MEIOB: variants seen among roughly 807,000 people sequenced by gnomAD.
MEIOB encodes meiosis specific with OB-fold, also known as meiosis-specific with OB domain-containing protein.
Under a neutral mutation model 53.1 loss-of-function variants are expected in MEIOB, and 50 were observed. The ratio of observed to expected loss-of-function variants is 0.94; its 90% CI spans 0.75 to 1.19. The LOEUF is 1.19. MEIOB is among the 50% of genes most tolerant of loss of function. The pLI is 0.00. For synonymous variants in MEIOB, 192 were observed against 182.5 expected (o/e 1.05, Z -0.42); for missense variants, 551 against 550.8 (o/e 1.00, Z 0.00).
At chr16:1,848,803 C>A (rs1899089134) in intron 9 of MEIOB, among the ~76,000 whole-genome samples, 1 of 152,048 alleles carries the variant, frequency 6.6e-6, no homozygotes, top group Non-Finnish European at 1.5e-5. Flanking sequence ...CTCGGCCTCC[C>A]AAAGTGTTGG....
At position 1,852,991 on chromosome 16, in the gene MEIOB, G is replaced by A. The variant is rs566140076; in HGVS notation, c.778+48C>T. 5.5e-6 allele frequency: 6 copies of A among 1,092,580 alleles called. No homozygotes were observed. In the South Asian group the frequency reaches 7.8e-5, roughly 14 times the overall value. 67.7% of individuals were successfully genotyped at this position (1,092,580 alleles called of 1,614,324 possible). On this transcript the variant is annotated intron_variant, in intron 9 of 13. Transcript: ENST00000325962. ...AAATATACTGTATAAATATTGAAAT[G>A]TGTTCAGTCATTTCCAAAGGGATAA... is the stretch of plus-strand genomic sequence containing the variant.
Position 1,854,152 on chromosome 16 carries a change from T to C in MEIOB, c.577A>G (p.Arg193Gly), listed in dbSNP as rs1023986786. ...TCATCATAGAGTCTAACTTCACACCTCTGGCCTTTTCTCCGGTCTGAAGTT... is the reference window on the plus strand; with the variant it reads ...TCATCATAGAGTCTAACTTCACACCCCTGGCCTTTTCTCCGGTCTGAAGTT... ...FTTSDRRKGQ[R>G]CEVRLYDETE... The change falls in exon 7 of 14, where the codon AGG becomes GGG. Residue 193 changes from arginine to glycine, a missense_variant. By Grantham distance (125) the Arg-to-Gly change is moderately radical. Transcript: ENST00000325962. 7 of 1,550,984 alleles carry C rather than the reference T, an allele frequency of 4.5e-6. No homozygotes were observed. The African/African-American group carries it at 6.8e-5, about 15-fold the overall frequency.
At chr16:1,841,703 C>G in intron 11 of MEIOB, 117 bp downstream of exon 11, 1 of 626,846 alleles carries the variant, frequency 1.6e-6, no homozygotes, top group East Asian at 3.2e-5. Flanking sequence ...CATTTATCTC[C>G]AATACATAAC....
At chr16:1,837,154 T>A (rs1898771122) in intron 13 of MEIOB, among the ~76,000 whole-genome samples, 1 of 152,150 alleles carries the variant, frequency 6.6e-6, no homozygotes, top group Non-Finnish European at 1.5e-5. Context: ...GAGGCAACTG[T>A]GGCCCTTCAG....
chr16:1,835,618 G>A (rs565071005), intron 13 of MEIOB, among the ~76,000 whole-genome samples: 1 of 152,118 alleles, frequency 6.6e-6, no homozygotes, highest in Non-Finnish European at 1.5e-5. Flanking sequence ...GCTAGAACAC[G>A]TTCAGAGCTG....
intron 11 of MEIOB, chr16:1,839,729 CTCCCTTCTCGTA>C (rs1447780205): frequency 6.4e-6 from 2 of 313,576 alleles, no homozygotes; most frequent in Non-Finnish European, 1.2e-5. Context: ...TGCTGGGGCC[CTCCCTTCTCGTA>C]TCCCAGCCTG....
chr16:1,863,725 CA>C (rs5815103), intron 3 of MEIOB, among the ~76,000 whole-genome samples: 123,139 of 147,400 alleles, frequency 0.84, 50,831 homozygotes, highest in Middle Eastern at 0.9. Context: ...GACCCTGTCT[CA>C]AAAAAAAAAA....
intron 1 of MEIOB, among the ~76,000 whole-genome samples, chr16:1,871,365 A>T (rs9925733): frequency 1.5e-5 from 1 of 67,860 alleles, no homozygotes. Flanking sequence ...GACTACAGGC[A>T]CTCGCCGCCA....
intron 13 of MEIOB, among the ~76,000 whole-genome samples, chr16:1,836,198 G>T (rs868534698): frequency 6.6e-6 from 1 of 151,990 alleles, no homozygotes; most frequent in Non-Finnish European, 1.5e-5. Flanking sequence ...TTGGATTTTG[G>T]TTTTGGATTT....
intron 3 of MEIOB, among the ~76,000 whole-genome samples, chr16:1,865,556 CAT>C (rs1899571330): frequency 6.6e-6 from 1 of 151,586 alleles, no homozygotes; most frequent in African/African-American, 2.4e-5. Flanking sequence ...CATATATACA[CAT>C]ATGTGTGTAT....
intron 4 of MEIOB, among the ~76,000 whole-genome samples, chr16:1,861,195 T>C (rs1899432374): frequency 6.6e-6 from 1 of 152,208 alleles, no homozygotes; most frequent in Non-Finnish European, 1.5e-5. Flanking sequence ...AAGTCTCCTG[T>C]TCTTCCTACT....
chr16:1,855,234 C>T (rs1379410591), intron 6 of MEIOB, among the ~76,000 whole-genome samples: 1 of 152,154 alleles, frequency 6.6e-6, no homozygotes. Context: ...GAGTTCAAGA[C>T]TAGCCTGGCC....
At chr16:1,867,818 A>G (rs1899633256) in intron 2 of MEIOB, among the ~76,000 whole-genome samples, 1 of 152,094 alleles carries the variant, frequency 6.6e-6, no homozygotes, top group Admixed American at 6.6e-5. Flanking sequence ...TAAATTTTTC[A>G]CTTTATAAAA....
chr16:1,856,134 C>A (rs1657119), intron 6 of MEIOB, among the ~76,000 whole-genome samples: 123,896 of 149,770 alleles, frequency 0.83, 51,265 homozygotes, highest in Middle Eastern at 0.89. Context: ...AGCTGGGACT[C>A]CAGGTACCTG....
rs148699261 is a variant in MEIOB at position 1,869,802 on chromosome 16, A to C, written c.-9-1618T>G. On this transcript the variant is annotated intron_variant, in intron 1 of 13. Coordinates refer to ENST00000325962, the MANE Select transcript of MEIOB (RefSeq NM_001163560.3). Reference sequence around the variant, plus strand: ...ATATATTAGCATCAAGCTTACCTCAAAAAATACAGCAAAAATCTACGTAAA... The same window carrying C: ...ATATATTAGCATCAAGCTTACCTCACAAAATACAGCAAAAATCTACGTAAA... 4.5e-4 allele frequency among the ~76,000 whole-genome samples: 69 copies of C among 152,178 alleles called. 1 individual carries two copies. The highest frequency in any genetic ancestry group is 1.5e-3 in the African/African-American group (61 of 41,528).
At chr16:1,851,175 C>T (rs914786948) in intron 9 of MEIOB, among the ~76,000 whole-genome samples, 3 of 152,150 alleles carry the variant, frequency 2.0e-5, no homozygotes, top group Non-Finnish European at 2.9e-5. Flanking sequence ...TAACAGCCTC[C>T]GAGGCCTTCT....
Position 1,853,250 on chromosome 16 carries a change from T to C in MEIOB, c.651A>G (p.Leu217=), listed in dbSNP as rs375283569. 782 of 1,550,868 alleles carry C rather than the reference T, an allele frequency of 5.0e-4. No individual in the cohort carries two copies. Among genetic ancestry groups the C allele is most frequent in the Non-Finnish European group, 6.4e-4 (734 of 1,145,808 alleles). The change falls in exon 8 of 14, where the codon CTA becomes CTG. Residue 217 remains leucine (L), a synonymous_variant. Transcript: ENST00000325962. Reference sequence around the variant, plus strand: ...CTCGTGGCATCCAGCTCTGTGCAAGTAGAATGGATTCATTATCCCAACTGC... The same window carrying C: ...CTCGTGGCATCCAGCTCTGTGCAAGCAGAATGGATTCATTATCCCAACTGC... The part of the protein sequence containing the change: ...AMTCWDNESI[L]LAQSWMPRET...
intron 13 of MEIOB, among the ~76,000 whole-genome samples, chr16:1,837,012 C>G (rs1400478287): frequency 6.6e-6 from 1 of 152,074 alleles, no homozygotes; most frequent in Non-Finnish European, 1.5e-5. Context: ...ACCTGTGACC[C>G]AGTGCAAGTG....
rs1206123426 is a variant in MEIOB, at chr16:1,857,825, C to T, written c.438G>A (p.Glu146=). ...CACCCAGTGAATAATAATCATGAGACTCTTTAACAGGTAAATGTATCAAAG... is the reference window on the plus strand; with the variant it reads ...CACCCAGTGAATAATAATCATGAGATTCTTTAACAGGTAAATGTATCAAAG... ...LLSLIHLPVK[E]SHDYYSLGDI... Residue 146 remains glutamate, a synonymous_variant, in exon 6 of 14, where the codon GAG becomes GAA. Transcript: ENST00000325962. The T allele has an allele frequency of 1.3e-6, 2 of 1,551,398 alleles. No homozygotes were observed. The highest frequency in any genetic ancestry group is 4.9e-5 in the East Asian group (2 of 40,910).
Sources: gnomAD v4.1 joint callset for allele counts (sites outside exome capture counted in the v4.1 genomes callset) on GRCh38, gnomAD v4.1.1 for gene constraint, MANE v1.5 for transcripts, NCBI Gene and HGNC (gene_info 2026-07-23, HGNC 2026-07-21) for gene names.